Variants in THSD4 observed in about 807,000 individuals in gnomAD.
THSD4 encodes thrombospondin type 1 domain containing 4.
In THSD4, 69 loss-of-function variants were observed where a neutral mutation model predicts 119.0. The observed-to-expected ratio is 0.58, with a 90% confidence interval of 0.48 to 0.71. The LOEUF (loss-of-function observed/expected upper bound fraction) is 0.71. THSD4 is among the 30% of genes least tolerant of loss of function. The pLI, the probability that THSD4 is intolerant of heterozygous loss-of-function variation, is 0.00. For synonymous variants in THSD4, 524 were observed against 540.4 expected, an observed-to-expected ratio of 0.97 and a Z score of 0.42; for missense variants, 1,393 against 1,391.1, an observed-to-expected ratio of 1.00 and a Z score of -0.02.
At chr15:71,616,862 G>C (rs980488822) in intron 7 of THSD4, among the ~76,000 whole-genome samples, 23 of 152,154 alleles carry the variant, frequency 1.5e-4, no homozygotes, top group African/African-American at 5.6e-4. Context: ...CTCTCTACGA[G>C]AAAGCTTTCT....
intron 7 of THSD4, among the ~76,000 whole-genome samples, chr15:71,464,814 C>T (rs542847092): frequency 3.3e-5 from 5 of 152,284 alleles, no homozygotes; most frequent in African/African-American, 1.2e-4. Context: ...AGCCAGCTAC[C>T]AACTTCCCAT....
At chr15:71,628,869 C>T (rs78529975) in intron 7 of THSD4, among the ~76,000 whole-genome samples, 1,822 of 152,276 alleles carry the variant, frequency 0.012, 19 homozygotes, top group Non-Finnish European at 0.018. Flanking sequence ...CCCCGGGAAA[C>T]AGGCAGAATG....
rs1055996185 is a variant in THSD4, at chr15:71,689,880, C to G, written c.1357+29146C>G. On this transcript the variant is annotated intron_variant, in intron 8 of 17. Transcript: ENST00000261862. Reference sequence around the variant, plus strand: ...CCTGTTTGGGTGTTCTTCCCCGTCCCTGAACGTGAGTGGAGGCTTAGAGCT... The same window carrying G: ...CCTGTTTGGGTGTTCTTCCCCGTCCGTGAACGTGAGTGGAGGCTTAGAGCT... Among the ~76,000 whole-genome samples, 75 of 152,168 alleles carry G rather than the reference C, an allele frequency of 4.9e-4. 4 individuals are homozygous for G.
rs946673881 is a variant in THSD4 at position 71,104,416 on chromosome 15, A to T, written c.-80+7410A>T. Among the ~76,000 whole-genome samples, 10 of 152,290 alleles carry T rather than the reference A, an allele frequency of 6.6e-5. No homozygotes were observed. The South Asian group carries it at 1.7e-3, about 25-fold the overall frequency. On this transcript the variant is annotated intron_variant, in intron 1 of 17. Coordinates refer to the THSD4 transcript ENST00000355327. The stretch of plus-strand genomic sequence containing the variant: ...GCTCCCATCAGCTGCATGCCCTACG[A>T]TTTAATTCGATTTTGACACTGTCTA...
intron 4 of THSD4, among the ~76,000 whole-genome samples, chr15:71,238,552 A>C (rs999570800): frequency 2.6e-5 from 4 of 152,206 alleles, no homozygotes; most frequent in African/African-American, 9.6e-5. Context: ...TAGAAATGGA[A>C]TCATATGTGT....
intron 11 of THSD4, among the ~76,000 whole-genome samples, chr15:71,740,954 C>G (rs1362384148): frequency 6.6e-6 from 1 of 152,168 alleles, no homozygotes; most frequent in Non-Finnish European, 1.5e-5. Context: ...TTGGCTGTCT[C>G]CATGAATATA....
chr15:71,605,115 A>G (rs1286684326), intron 7 of THSD4, among the ~76,000 whole-genome samples: 1 of 152,180 alleles, frequency 6.6e-6, no homozygotes, highest in Non-Finnish European at 1.5e-5. Context: ...TGCATCTCTT[A>G]CATGTTTAAG....
At chr15:71,681,141 C>G (rs1469192409) in intron 8 of THSD4, among the ~76,000 whole-genome samples, 1 of 151,844 alleles carries the variant, frequency 6.6e-6, no homozygotes, top group African/African-American at 2.4e-5. Flanking sequence ...TCTTGAACCC[C>G]TGACCTCAAG....
chr15:71,125,238 G>C (rs1336860007), intron 1 of THSD4, among the ~76,000 whole-genome samples: 1 of 152,204 alleles, frequency 6.6e-6, no homozygotes, highest in Non-Finnish European at 1.5e-5. Flanking sequence ...CAGCAGCTCT[G>C]CCTGACTCCC....
intron 6 of THSD4, among the ~76,000 whole-genome samples, chr15:71,262,410 G>A (rs761152177): frequency 9.9e-5 from 15 of 152,112 alleles, no homozygotes; most frequent in Non-Finnish European, 2.1e-4. Flanking sequence ...AAATATATAT[G>A]TCCATTACAC....
At chr15:71,237,817 G>A (rs2044117806) in intron 4 of THSD4, among the ~76,000 whole-genome samples, 1 of 152,160 alleles carries the variant, frequency 6.6e-6, no homozygotes, top group Admixed American at 6.5e-5. Flanking sequence ...GACTTTGCTT[G>A]AGTCATGCTG....
intron 3 of THSD4, among the ~76,000 whole-genome samples, chr15:71,204,471 C>T (rs968518564): frequency 6.6e-6 from 1 of 151,982 alleles, no homozygotes; most frequent in African/African-American, 2.4e-5. Flanking sequence ...GTACTTGAAG[C>T]GAATCAATAA....
chr15:71,461,277 G>A (rs1355774642), intron 7 of THSD4, among the ~76,000 whole-genome samples: 4 of 152,204 alleles, frequency 2.6e-5, no homozygotes, highest in African/African-American at 4.8e-5. Flanking sequence ...AGAGCTGTTC[G>A]AGTGTCTTCA....
chr15:71,650,567 C>T (rs1231746540), intron 7 of THSD4, among the ~76,000 whole-genome samples: 6 of 152,138 alleles, frequency 3.9e-5, no homozygotes, highest in African/African-American at 1.4e-4. Flanking sequence ...TTCTCAGGCC[C>T]AGTCCCAAGG....
At chr15:71,775,707 T>C (rs2053900502) in intron 17 of THSD4, among the ~76,000 whole-genome samples, 1 of 151,842 alleles carries the variant, frequency 6.6e-6, no homozygotes. Context: ...CGAGACTCCG[T>C]CTCAAAAAAA....
In THSD4 at chr15:71,242,929, C is replaced by G. The variant is rs1173684768; in HGVS notation, c.745C>G (p.His249Asp). 3 of 1,614,202 alleles carry G rather than the reference C, an allele frequency of 1.9e-6. No individual in the cohort carries two copies. Among genetic ancestry groups the G allele is most frequent in the South Asian group, 1.1e-5 (1 of 91,086 alleles). Residue 249 changes from histidine to aspartate, a missense_variant, in exon 5 of 18, where the codon CAT (histidine) becomes GAT (aspartate). Physicochemically the swap from His to Asp is moderately conservative, Grantham distance 81. Transcript: ENST00000261862. ...CCCCATCTACCAGCTACCTTTGACCCATGATCAAGGCTACCCTGCAGCTTC... is the reference window on the plus strand; with the variant it reads ...CCCCATCTACCAGCTACCTTTGACCGATGATCAAGGCTACCCTGCAGCTTC... Reference protein sequence around the residue: ...EAPIYQLPLTHDQGYPAASSL... With the variant: ...EAPIYQLPLTDDQGYPAASSL...
At position 71,674,050 on chromosome 15, in the gene THSD4, A is replaced by G. The variant is rs377387429; in HGVS notation, c.1357+13316A>G. ...TTCCCAGAAGAACAAAAAGAGAAAGAAAAGTAGACATGCTTCTTCTGTGCG... is the reference window on the plus strand; with the variant it reads ...TTCCCAGAAGAACAAAAAGAGAAAGGAAAGTAGACATGCTTCTTCTGTGCG... On this transcript the variant is annotated intron_variant, in intron 8 of 17. Coordinates refer to ENST00000261862, the MANE Select transcript of THSD4 (RefSeq NM_024817.3). Among the ~76,000 whole-genome samples the G allele has an allele frequency of 4.6e-5, 7 of 152,362 alleles. No homozygotes were observed. The East Asian group carries it at 1.2e-3, about 25-fold the overall frequency.
chr15:71,271,254 T>A (rs1454914161), intron 6 of THSD4, among the ~76,000 whole-genome samples: 1 of 152,146 alleles, frequency 6.6e-6, no homozygotes, highest in African/African-American at 2.4e-5. Context: ...AATAAAAAAA[T>A]TGTGGTACAT....
At chr15:71,285,337 A>G (rs904071710) in intron 6 of THSD4, among the ~76,000 whole-genome samples, 2 of 152,166 alleles carry the variant, frequency 1.3e-5, no homozygotes, top group Non-Finnish European at 2.9e-5. Context: ...TGAGTAGTTT[A>G]AAATGTGTTG....
Sources: gnomAD v4.1 joint callset for allele counts (sites outside exome capture counted in the v4.1 genomes callset) on GRCh38, gnomAD v4.1.1 for gene constraint, MANE v1.5 for transcripts, NCBI Gene and HGNC (gene_info 2026-07-23, HGNC 2026-07-21) for gene names.